The following ASIC2 variants were observed in gnomAD, a reference collection of about 807,000 sequenced individuals.
The protein encoded by ASIC2 is acid-sensing ion channel 2.
A neutral mutation model predicts 57.3 loss-of-function variants in ASIC2; 25 were observed. That is an observed-to-expected ratio of 0.44 (90% CI 0.32 to 0.61). ASIC2 has a LOEUF of 0.61. ASIC2 is among the 20% of genes least tolerant of loss of function. The pLI, the probability that ASIC2 is intolerant of heterozygous loss-of-function variation, is 0.06. For missense variants in ASIC2, 641 were observed against 738.1 expected (o/e 0.87, Z 1.52); for synonymous variants, 319 against 307.5 (o/e 1.04, Z -0.39).
intron 1 of ASIC2, among the ~76,000 whole-genome samples, chr17:33,861,724 G>C (rs1468562855): frequency 6.6e-6 from 1 of 152,124 alleles, no homozygotes; most frequent in Non-Finnish European, 1.5e-5. Flanking sequence ...CAATTGTTTT[G>C]GTTTGCTTTC....
chr17:33,353,990 C>T (rs1908281608), intron 1 of ASIC2, among the ~76,000 whole-genome samples: 1 of 152,108 alleles, frequency 6.6e-6, no homozygotes, highest in Non-Finnish European at 1.5e-5. Flanking sequence ...CTGGGGAGGC[C>T]TCACATTCAT....
Position 33,559,724 on chromosome 17 carries a change from A to G in ASIC2, c.556-447657T>C, listed in dbSNP as rs569440370. On this transcript the variant is annotated intron_variant, in intron 1 of 9. Coordinates refer to the ASIC2 transcript ENST00000359872. Reference sequence around the variant, plus strand: ...CCAGTGCCCTCTTTAAGATTATTCAATGACCCCTTATTGCTTTGAAGATGA... The same window carrying G: ...CCAGTGCCCTCTTTAAGATTATTCAGTGACCCCTTATTGCTTTGAAGATGA... Among the ~76,000 whole-genome samples the G allele has an allele frequency of 5.9e-5, 9 of 152,316 alleles. 1 individual carries two copies. The South Asian group carries it at 1.7e-3, about 28-fold the overall frequency.
At chr17:34,060,528 GGTTA>G (rs57988590) in intron 1 of ASIC2, among the ~76,000 whole-genome samples, 28,994 of 151,802 alleles carry the variant, frequency 0.19, 3,327 homozygotes, top group African/African-American at 0.33. Context: ...GAATTCAGGA[GGTTA>G]GTTATTAAGC....
chr17:34,008,854 T>G (rs1906617150), intron 1 of ASIC2, among the ~76,000 whole-genome samples: 1 of 152,174 alleles, frequency 6.6e-6, no homozygotes. Flanking sequence ...TGTGCATTTG[T>G]TTTTCAAAAA....
chr17:33,729,606 T>C (rs1029051978), intron 1 of ASIC2, among the ~76,000 whole-genome samples: 2 of 152,156 alleles, frequency 1.3e-5, no homozygotes, highest in Non-Finnish European at 2.9e-5. Flanking sequence ...GAGGGCTGAA[T>C]TTGGGGTCAC....
At chr17:33,748,389 G>GGAAACTCC (rs1910329120) in intron 1 of ASIC2, among the ~76,000 whole-genome samples, 1 of 152,234 alleles carries the variant, frequency 6.6e-6, no homozygotes. Context: ...AGCAGTTTAT[G>GGAAACTCC]GAAACTCCTT....
intron 1 of ASIC2, among the ~76,000 whole-genome samples, chr17:33,952,179 G>T (rs1904598774): frequency 6.6e-6 from 1 of 152,174 alleles, no homozygotes; most frequent in African/African-American, 2.4e-5. Flanking sequence ...GGCAAATGTT[G>T]AACAATGAGT....
rs139396172 is a variant in ASIC2, at chr17:33,074,016, T to C, written c.987+14847A>G. Reference sequence around the variant, plus strand: ...CAGTCTTAGTACCAGCAGGTGTGTGTGTTTGCTTTCCAGTGAGCTCTTCCC... The same window carrying C: ...CAGTCTTAGTACCAGCAGGTGTGTGCGTTTGCTTTCCAGTGAGCTCTTCCC... On this transcript the variant is annotated intron_variant, in intron 3 of 9. Coordinates refer to ENST00000225823, the MANE Select transcript of ASIC2 (RefSeq NM_183377.2). 3.7e-3 allele frequency among the ~76,000 whole-genome samples: 558 copies of C among 152,218 alleles called. 2 individuals carry two copies. The highest frequency in any genetic ancestry group is 6.2e-3 in the Non-Finnish European group (423 of 68,010).
chr17:33,210,727 C>A (rs893512523), intron 1 of ASIC2, among the ~76,000 whole-genome samples: 1 of 152,208 alleles, frequency 6.6e-6, no homozygotes, highest in African/African-American at 2.4e-5. Context: ...GAAAGCCTCA[C>A]CCTTCATAAC....
At chr17:33,601,416 G>T (rs542334169) in intron 1 of ASIC2, among the ~76,000 whole-genome samples, 2 of 152,282 alleles carry the variant, frequency 1.3e-5, no homozygotes, top group African/African-American at 4.8e-5. Context: ...CCACATTTTG[G>T]CACAGTACTC....
chr17:33,962,980 T>A (rs1477325410), intron 1 of ASIC2, among the ~76,000 whole-genome samples: 1 of 152,110 alleles, frequency 6.6e-6, no homozygotes, highest in East Asian at 1.9e-4. Context: ...CTACTTGGGG[T>A]GTCAGCTATT....
intron 1 of ASIC2, among the ~76,000 whole-genome samples, chr17:34,026,400 C>T (rs1398622493): frequency 1.3e-5 from 2 of 152,246 alleles, no homozygotes. Context: ...ATAGATGATC[C>T]GTGCTCTGCC....
chr17:33,618,425 C>T (rs560553877), intron 1 of ASIC2, among the ~76,000 whole-genome samples: 1 of 152,200 alleles, frequency 6.6e-6, no homozygotes, highest in South Asian at 2.1e-4. Flanking sequence ...GCTGCTCATT[C>T]TGGAATGGTC....
At chr17:34,086,274 T>G (rs1212778320) in intron 1 of ASIC2, among the ~76,000 whole-genome samples, 1 of 152,100 alleles carries the variant, frequency 6.6e-6, no homozygotes, top group Admixed American at 6.5e-5. Flanking sequence ...ACATCTTTAT[T>G]TCTGCCTTCA....
intron 1 of ASIC2, among the ~76,000 whole-genome samples, chr17:33,842,847 T>C (rs1454275079): frequency 6.6e-6 from 1 of 152,100 alleles, no homozygotes; most frequent in Non-Finnish European, 1.5e-5. Flanking sequence ...TGATGGGCTG[T>C]CTTGTGAAAG....
chr17:33,089,595 A>G (rs2092149660), intron 2 of ASIC2, among the ~76,000 whole-genome samples: 1 of 151,854 alleles, frequency 6.6e-6, no homozygotes, highest in African/African-American at 2.4e-5. Flanking sequence ...TGCCAGGTCA[A>G]CTCCTTGCCT....
At chr17:33,028,529 T>A (rs951281022) in intron 3 of ASIC2, 137 bp from the exon 4 acceptor site, 2 of 1,120,394 alleles carry the variant, frequency 1.8e-6, no homozygotes, top group Non-Finnish European at 1.2e-6. Context: ...CTGGCTCCAA[T>A]ACTAGTTTTC....
intron 1 of ASIC2, among the ~76,000 whole-genome samples, chr17:33,493,051 G>C (rs963023514): frequency 6.6e-6 from 1 of 152,202 alleles, no homozygotes; most frequent in Non-Finnish European, 1.5e-5. Context: ...TACAAAACAG[G>C]CTGCTAATTT....
intron 1 of ASIC2, among the ~76,000 whole-genome samples, chr17:33,789,762 A>G (rs955841852): frequency 1.2e-4 from 19 of 152,064 alleles, no homozygotes; most frequent in African/African-American, 4.3e-4. Context: ...GTTGAATAGG[A>G]TATGTTTATA....
Sources: allele counts gnomAD v4.1 joint callset (sites outside exome capture counted in the v4.1 genomes callset), GRCh38; gene constraint gnomAD v4.1.1; transcripts MANE v1.5; gene names NCBI Gene and HGNC (gene_info 2026-07-23, HGNC 2026-07-21).